Variants in ICA1 observed in about 807,000 individuals in gnomAD.
ICA1 encodes 69 kDa islet cell autoantigen.
ICA1 carries 40 observed loss-of-function variants against 71.0 expected under a neutral mutation model. That is an observed-to-expected ratio of 0.56 (90% CI 0.44 to 0.73). ICA1 has a LOEUF of 0.73. ICA1 is among the 30% of genes least tolerant of loss of function. ICA1 has a pLI of 0.00. For synonymous variants in ICA1, 207 were observed against 209.5 expected, an observed-to-expected ratio of 0.99 and a Z score of 0.10; for missense variants, 578 against 576.5, an observed-to-expected ratio of 1.00 and a Z score of -0.03.
At chr7:8,117,641 T>G (rs1785203645) in intron 13 of ICA1, among the ~76,000 whole-genome samples, 1 of 152,250 alleles carries the variant, frequency 6.6e-6, no homozygotes, top group South Asian at 2.1e-4. Flanking sequence ...CATCAGAGGA[T>G]GCATCACTGT....
At chr7:8,158,413 A>T in intron 7 of ICA1, 114 bp downstream of exon 7, 1 of 1,298,140 alleles carries the variant, frequency 7.7e-7, no homozygotes, top group Non-Finnish European at 1.1e-6. Flanking sequence ...AAATTACGGA[A>T]AGGCATTCAG....
intron 6 of ICA1, among the ~76,000 whole-genome samples, chr7:8,189,779 G>A (rs1400554183): frequency 2.0e-5 from 3 of 151,514 alleles, no homozygotes; most frequent in Non-Finnish European, 2.9e-5. Flanking sequence ...GGAGGGGGCT[G>A]GGCAGGGGGG....
At chr7:8,230,450 T>A (rs917933246) in intron 3 of ICA1, among the ~76,000 whole-genome samples, 9 of 152,290 alleles carry the variant, frequency 5.9e-5, no homozygotes, top group African/African-American at 2.2e-4. Flanking sequence ...GAATCCATCC[T>A]CTCTATAAAC....
chr7:8,182,533 T>C (rs558501898), intron 6 of ICA1, among the ~76,000 whole-genome samples: 1 of 152,322 alleles, frequency 6.6e-6, no homozygotes, highest in East Asian at 1.9e-4. Flanking sequence ...CATTGGGATG[T>C]TCCAAAGTGG....
chr7:8,195,772 G>A (rs1347077208), intron 6 of ICA1, among the ~76,000 whole-genome samples: 2 of 152,094 alleles, frequency 1.3e-5, no homozygotes, highest in African/African-American at 4.8e-5. Context: ...GAGGTCAGGA[G>A]TTCGAGACCA....
intron 6 of ICA1, among the ~76,000 whole-genome samples, chr7:8,174,220 C>T (rs1045766308): frequency 3.3e-5 from 5 of 151,996 alleles, no homozygotes; most frequent in African/African-American, 1.2e-4. Context: ...TTTCTTTTCC[C>T]GTCTGTTTTA....
In ICA1 at chr7:8,152,148, C is replaced by T. The variant is rs1429234073; in HGVS notation, c.804+4968G>A. On this transcript the variant is annotated intron_variant, in intron 8 of 13. Coordinates refer to ENST00000402384, the MANE Select transcript of ICA1 (RefSeq NM_001136020.3). ...AAAGCTGAAGGACAGGTTTGGGAAT[C>T]GAGCTGCCAGAGTGTCTGTGAAAGC... Among the ~76,000 whole-genome samples the T allele has an allele frequency of 2.6e-5, 4 of 152,074 alleles. No homozygotes were observed. In the East Asian group the frequency reaches 5.8e-4, roughly 22 times the overall value.
intron 6 of ICA1, among the ~76,000 whole-genome samples, chr7:8,176,918 G>A (rs1369191331): frequency 6.6e-6 from 1 of 152,176 alleles, no homozygotes; most frequent in Non-Finnish European, 1.5e-5. Flanking sequence ...GTGGAGCCAG[G>A]ATGTGAAAGC....
At chr7:8,137,139 T>C (rs1171754838) in intron 12 of ICA1, among the ~76,000 whole-genome samples, 2 of 150,976 alleles carry the variant, frequency 1.3e-5, no homozygotes, top group Non-Finnish European at 2.9e-5. Flanking sequence ...CACTGGGGGA[T>C]GGAAGTATTA....
At chr7:8,158,305 T>C in intron 7 of ICA1, 1 of 524,554 alleles carries the variant, frequency 1.9e-6, no homozygotes, top group Non-Finnish European at 3.3e-6. Context: ...ACCCCATAAG[T>C]AAATGTACAG....
chr7:8,148,222 T>C (rs1388287337), intron 8 of ICA1, among the ~76,000 whole-genome samples: 5 of 152,196 alleles, frequency 3.3e-5, no homozygotes, highest in Non-Finnish European at 7.3e-5. Flanking sequence ...CAATAAACGC[T>C]GTGACAGAAA....
At chr7:8,151,285 T>G (rs1272612108) in intron 8 of ICA1, among the ~76,000 whole-genome samples, 1 of 152,168 alleles carries the variant, frequency 6.6e-6, no homozygotes, top group East Asian at 1.9e-4. Flanking sequence ...TGTGAAGGCT[T>G]GAGCTACCAG....
At chr7:8,125,662 C>G (rs1010947127) in intron 13 of ICA1, among the ~76,000 whole-genome samples, 3 of 152,204 alleles carry the variant, frequency 2.0e-5, no homozygotes, top group African/African-American at 7.2e-5. Context: ...AATGTGGGCT[C>G]CAGGACAGCA....
chr7:8,115,795 G>C (rs553970106), intron 13 of ICA1, among the ~76,000 whole-genome samples: 1 of 152,224 alleles, frequency 6.6e-6, no homozygotes, highest in Admixed American at 6.5e-5. Context: ...TCCCTTGGGG[G>C]ACCTGTCCCA....
intron 6 of ICA1, among the ~76,000 whole-genome samples, chr7:8,163,098 G>C (rs1156922998): frequency 6.6e-6 from 1 of 152,110 alleles, no homozygotes; most frequent in Non-Finnish European, 1.5e-5. Flanking sequence ...CCTTAGTCTG[G>C]GTTCTGTCTT....
At chr7:8,201,843 G>C (rs140686311) in intron 6 of ICA1, among the ~76,000 whole-genome samples, 27 of 152,322 alleles carry the variant, frequency 1.8e-4, no homozygotes, top group African/African-American at 6.3e-4. Context: ...AGAGGAAGGA[G>C]GCTGAGGATT....
intron 6 of ICA1, among the ~76,000 whole-genome samples, chr7:8,196,003 CA>C: frequency 3.9e-5 from 2 of 51,204 alleles, no homozygotes; most frequent in Non-Finnish European, 1.8e-4. Context: ...ACAACAACAC[CA>C]ACACCAACAC....
At chr7:8,246,962 G>T (rs1806254690) in intron 1 of ICA1, among the ~76,000 whole-genome samples, 1 of 152,084 alleles carries the variant, frequency 6.6e-6, no homozygotes. Flanking sequence ...TAGCCAGGAT[G>T]GTCTCAATCT....
chr7:8,232,883 A>C, intron 2 of ICA1, 128 bp from the exon 3 acceptor site: 2 of 771,868 alleles, frequency 2.6e-6, no homozygotes, highest in Non-Finnish European at 3.8e-6. Flanking sequence ...TAAACGTATG[A>C]GCACTTTCTT....
Sources: gnomAD v4.1 joint callset for allele counts (sites outside exome capture counted in the v4.1 genomes callset) on GRCh38, gnomAD v4.1.1 for gene constraint, MANE v1.5 for transcripts, NCBI Gene and HGNC (gene_info 2026-07-23, HGNC 2026-07-21) for gene names.